Variants in PARVB observed in about 807,000 individuals in gnomAD.
The protein encoded by PARVB is beta-parvin.
In PARVB, 46 loss-of-function variants were observed where a neutral mutation model predicts 47.0. The observed-to-expected ratio is 0.98, with a 90% CI of 0.77 to 1.25. PARVB has a LOEUF of 1.25. Ranked by LOEUF, PARVB falls within the 50% of genes most tolerant of loss-of-function variation. PARVB has a pLI of 0.00. For synonymous variants in PARVB, 196 were observed against 196.3 expected (o/e 1.00, Z 0.01); for missense variants, 473 against 471.6 (o/e 1.00, Z -0.03).
chr22:44,094,591 G>A (rs1489628794), intron 2 of PARVB, among the ~76,000 whole-genome samples: 1 of 152,054 alleles, frequency 6.6e-6, no homozygotes, highest in East Asian at 1.9e-4. Context: ...CCAGGTTCAA[G>A]TGATCCTCCT....
intron 2 of PARVB, among the ~76,000 whole-genome samples, chr22:44,018,819 C>T (rs767942370): frequency 3.9e-5 from 6 of 152,192 alleles, no homozygotes; most frequent in Non-Finnish European, 5.9e-5. Context: ...GCCACATGGG[C>T]GGGCTTGCCA....
At chr22:44,078,764 G>T (rs186375407) in intron 1 of PARVB, among the ~76,000 whole-genome samples, 3 of 152,020 alleles carry the variant, frequency 2.0e-5, no homozygotes, top group Non-Finnish European at 2.9e-5. Flanking sequence ...TCACTCTGTC[G>T]CCCAGGCTGG....
At chr22:44,120,757 C>T (rs935576288) in intron 4 of PARVB, among the ~76,000 whole-genome samples, 36 of 152,066 alleles carry the variant, frequency 2.4e-4, no homozygotes, top group African/African-American at 8.2e-4. Flanking sequence ...CTCACTGCAC[C>T]CTCAAACTCC....
At chr22:44,008,856 G>A (rs1339178573) in intron 2 of PARVB, among the ~76,000 whole-genome samples, 1 of 152,080 alleles carries the variant, frequency 6.6e-6, no homozygotes, top group East Asian at 1.9e-4. Context: ...GGGTGTGGGG[G>A]TGGGTGCCTG....
At chr22:44,004,043 C>G (rs1036946076) in intron 2 of PARVB, among the ~76,000 whole-genome samples, 41 of 152,150 alleles carry the variant, frequency 2.7e-4, no homozygotes, top group African/African-American at 9.2e-4. Flanking sequence ...GGGATGGAAG[C>G]CTCTAGAACA....
intron 1 of PARVB, among the ~76,000 whole-genome samples, chr22:44,066,780 T>TCTCCTCCTCCTCCTCCTCCTCCTC (rs199990350): frequency 2.1e-5 from 1 of 48,078 alleles, no homozygotes; most frequent in African/African-American, 9.5e-5. Flanking sequence ...CTTAATTATT[T>TCTCCTCCTCCTCCTCCTCCTCCTC]CTCCTCCTCC....
At chr22:44,117,330 G>A (rs566900299) in intron 3 of PARVB, among the ~76,000 whole-genome samples, 1 of 151,612 alleles carries the variant, frequency 6.6e-6, no homozygotes, top group East Asian at 2.0e-4. Context: ...AAAGGAGGCT[G>A]TAGAGGGTGA....
intron 3 of PARVB, among the ~76,000 whole-genome samples, chr22:44,117,086 GT>G (rs1337694610): frequency 6.6e-6 from 1 of 152,086 alleles, no homozygotes. Flanking sequence ...CACGCCTGGG[GT>G]GTGGTGAGTC....
chr22:44,028,674 G>A (rs545999868), intron 1 of PARVB, among the ~76,000 whole-genome samples: 1 of 152,296 alleles, frequency 6.6e-6, no homozygotes, highest in African/African-American at 2.4e-5. Context: ...TTGCTGGATC[G>A]TATGGTAAGA....
At position 44,094,793 on chromosome 22, in the gene PARVB, A is replaced by G. The variant is rs117858868; in HGVS notation, c.202+776A>G. Among the ~76,000 whole-genome samples, 497 of 151,854 alleles carry G rather than the reference A, an allele frequency of 3.3e-3. 13 individuals carry two copies. Among genetic ancestry groups the G allele is most frequent in the Non-Finnish European group, 5.5e-3 (375 of 67,842 alleles). Reference sequence around the variant, plus strand: ...GATATGAGCCACTGCGCCTGGCCCCAACACCCTTACTGTGGCTTTCTCTGA... The same window carrying G: ...GATATGAGCCACTGCGCCTGGCCCCGACACCCTTACTGTGGCTTTCTCTGA... On this transcript the variant is annotated intron_variant, in intron 2 of 12. Transcript: ENST00000338758.
chr22:44,138,531 C>T (rs1272653879), intron 7 of PARVB, among the ~76,000 whole-genome samples: 1 of 152,152 alleles, frequency 6.6e-6, no homozygotes, highest in Non-Finnish European at 1.5e-5. Context: ...CCTTCCCCTC[C>T]CCGTGGCTGC....
intron 2 of PARVB, among the ~76,000 whole-genome samples, chr22:44,013,486 T>C (rs2146856345): frequency 6.6e-6 from 1 of 152,292 alleles, no homozygotes; most frequent in East Asian, 1.9e-4. Context: ...AGATCCTCAG[T>C]GCCCCTCACC....
At chr22:43,999,303 C>G in exon 1 of PARVB, 1 of 1,463,514 alleles carries the variant, frequency 6.8e-7, no homozygotes, top group Non-Finnish European at 9.3e-7. Context: ...TTTTAAAGAC[C>G]AGATAAATTT....
upstream of PARVB, among the ~76,000 whole-genome samples, chr22:44,021,695 G>A (rs2050649642): frequency 6.6e-6 from 1 of 150,434 alleles, no homozygotes; most frequent in Admixed American, 6.6e-5. Flanking sequence ...CAGATGATGA[G>A]GTGAAGATGA....
intron 10 of PARVB, among the ~76,000 whole-genome samples, chr22:44,156,049 C>T (rs768599960): frequency 3.3e-5 from 5 of 151,946 alleles, no homozygotes; most frequent in East Asian, 2.0e-4. Context: ...ACTCAGGAGG[C>T]GGAGGCAGAA....
At chr22:44,134,305 G>A (rs1373863421) in intron 6 of PARVB, among the ~76,000 whole-genome samples, 1 of 152,180 alleles carries the variant, frequency 6.6e-6, no homozygotes, top group Non-Finnish European at 1.5e-5. Context: ...GACCTGGGGG[G>A]CCATTCCTAT....
At chr22:44,107,051 C>T (rs548645395) in intron 3 of PARVB, 5 of 152,310 alleles carry the variant, frequency 3.3e-5, no homozygotes, top group South Asian at 2.1e-4. Context: ...CTTGATCACC[C>T]GTTAGCAGTG....
intron 1 of PARVB, among the ~76,000 whole-genome samples, chr22:44,030,045 A>G (rs1003219250): frequency 3.3e-5 from 5 of 152,396 alleles, no homozygotes; most frequent in African/African-American, 9.6e-5. Context: ...AGCAACCGAG[A>G]ATTTCCTTCA....
intron 2 of PARVB, among the ~76,000 whole-genome samples, chr22:44,001,925 G>A (rs1046208197): frequency 3.9e-5 from 6 of 152,244 alleles, no homozygotes; most frequent in Non-Finnish European, 7.3e-5. Flanking sequence ...TGCTTAGGAT[G>A]TTTGAACACA....
Sources: allele counts gnomAD v4.1 joint callset (sites outside exome capture counted in the v4.1 genomes callset), GRCh38; gene constraint gnomAD v4.1.1; transcripts MANE v1.5; gene names NCBI Gene and HGNC (gene_info 2026-07-23, HGNC 2026-07-21).